The following TRIP11 variants were observed in gnomAD, a reference collection of about 807,000 sequenced individuals.
TRIP11 encodes thyroid hormone receptor interactor 11.
In TRIP11, 148 loss-of-function variants were observed where a neutral mutation model predicts 223.1. The observed-to-expected ratio is 0.66, with a 90% CI of 0.58 to 0.76. The LOEUF is 0.76. Among genes scored for constraint, TRIP11 ranks in the 30% least tolerant of loss-of-function variants. The probability of loss-of-function intolerance (pLI) is 0.00; values close to 1 mark genes in which losing one functional copy is unlikely to be tolerated. For synonymous variants in TRIP11, 762 were observed against 772.6 expected (o/e 0.99, Z 0.23); for missense variants, 2,043 against 2,222.0 (o/e 0.92, Z 1.62).
At chr14:92,038,819 T>C (rs1312421413) in intron 1 of TRIP11, among the ~76,000 whole-genome samples, 4 of 152,192 alleles carry the variant, frequency 2.6e-5, no homozygotes, top group African/African-American at 9.7e-5. Context: ...TAGTAATTAA[T>C]GGATAGTAAC....
intron 16 of TRIP11, among the ~76,000 whole-genome samples, chr14:91,983,376 GA>G: frequency 6.6e-6 from 1 of 152,256 alleles, no homozygotes; most frequent in East Asian, 1.9e-4. Context: ...TATCTGCAAA[GA>G]ACAGAACACT....
chr14:92,015,978 G>A, intron 5 of TRIP11, 117 bp from the exon 6 acceptor site: 2 of 1,041,370 alleles, frequency 1.9e-6, no homozygotes, highest in Non-Finnish European at 2.7e-6. Flanking sequence ...AACATGTTAA[G>A]GCTGAAAAGA....
In TRIP11 at chr14:92,032,465, C is replaced by T. The variant is rs181994922; in HGVS notation, c.201+727G>A. ...TGTGCCTGGCTGCTATTCCTATATT[C>T]TTAACTTTTTTGTATCCAAATATTA... On this transcript the variant is annotated intron_variant, in intron 2 of 20. Coordinates refer to ENST00000267622, the MANE Select transcript of TRIP11 (RefSeq NM_004239.4). 3.3e-3 allele frequency among the ~76,000 whole-genome samples: 497 copies of T among 150,566 alleles called. 5 individuals are homozygous for T. The highest frequency in any genetic ancestry group is 0.011 in the African/African-American group (465 of 41,124).
chr14:91,978,965 T>C lies in TRIP11; in HGVS notation c.5261-2776A>G, dbSNP rs2056501260. On this transcript the variant is annotated intron_variant, in intron 16 of 20. Transcript: ENST00000267622. The surrounding 1 kb of genome is among the most constrained non-coding windows in gnomAD (Gnocchi z 4.4). ...CACTACTCTATACTATCTCTTATTT[T>C]AAAAAGAGAGGCTGGGCGCAGTGGC... Among the ~76,000 whole-genome samples, 1 of 152,040 alleles carries C rather than the reference T, an allele frequency of 6.6e-6. No individual in the cohort carries two copies. The highest frequency in any genetic ancestry group is 2.1e-4 in the South Asian group (1 of 4,822).
In TRIP11 at chr14:91,966,449, C is replaced by CTT. The variant is rs1371083490; in HGVS notation, c.*3222_*3223dup. 5.2e-6 allele frequency: 1 copy of CTT among 191,752 alleles called. No homozygotes were observed. Among genetic ancestry groups the CTT allele is most frequent in the Admixed American group, 6.1e-5 (1 of 16,324 alleles). The allele number at this position is 191,752 out of a possible 1,614,324, so 11.9% of individuals were successfully genotyped here. On this transcript the variant is annotated 3_prime_UTR_variant, in exon 21 of 21. Transcript: ENST00000267622. ...TATCTTTAAATATCAGGTCCAAATG[C>CTT]TTTTAAGTTTGATGGATAATAGTGT...
intron 15 of TRIP11, among the ~76,000 whole-genome samples, chr14:91,989,021 T>C (rs1471612813): frequency 6.6e-6 from 1 of 152,258 alleles, no homozygotes; most frequent in Non-Finnish European, 1.5e-5. Flanking sequence ...TCTTTTGTCA[T>C]GTAAACATTT....
At chr14:91,973,766 C>A (rs1374121456) in intron 19 of TRIP11, among the ~76,000 whole-genome samples, 1 of 152,200 alleles carries the variant, frequency 6.6e-6, no homozygotes, top group African/African-American at 2.4e-5. Context: ...GTGGCTCACG[C>A]CTGTAACCCC....
At position 91,993,960 on chromosome 14, in the gene TRIP11, A is replaced by G. The variant is rs74073633; in HGVS notation, c.5057-48T>C. 1.2e-3 allele frequency: 1,767 copies of G among 1,427,836 alleles called. 23 individuals carry two copies. The African/African-American group carries it at 0.021, about 17-fold the overall frequency. The allele number at this position is 1,427,836 out of a possible 1,614,324, so 88.4% of individuals were successfully genotyped here. ...ATTAGTATTTTGCAATCGTGTGTTA[A>G]GTTAGAATGTTAAGCCATTTTAAAT... On this transcript the variant is annotated intron_variant, in intron 14 of 20. Coordinates refer to ENST00000267622, the MANE Select transcript of TRIP11 (RefSeq NM_004239.4).
At chr14:91,995,579 C>G (rs530242594) in intron 13 of TRIP11, 64 bp from the exon 14 acceptor site, 3 of 1,535,384 alleles carry the variant, frequency 2.0e-6, no homozygotes, top group East Asian at 4.5e-5. Context: ...CAAGAAGAAG[C>G]CACCTTCCCT....
At chr14:92,031,726 G>C (rs2057267532) in intron 2 of TRIP11, among the ~76,000 whole-genome samples, 1 of 152,184 alleles carries the variant, frequency 6.6e-6, no homozygotes, top group Non-Finnish European at 1.5e-5. Flanking sequence ...TGAATTCAAA[G>C]AACATTGCTT....
intron 7 of TRIP11, 140 bp from the exon 8 acceptor site, chr14:92,011,935 T>C: frequency 1.4e-6 from 1 of 709,468 alleles, no homozygotes; most frequent in Non-Finnish European, 2.4e-6. Flanking sequence ...GTGAAACATA[T>C]ATTTGTATTC....
Position 92,004,411 on chromosome 14 carries a change from T to C in TRIP11, c.3565A>G (p.Thr1189Ala), listed in dbSNP as rs149699915. Reference protein sequence around the residue: ...KCQTLLAVLQTSSTGNEAGGV... With the variant: ...KCQTLLAVLQASSTGNEAGGV... ...CCAGCCTCATTACCAGTGCTGGATG[T>C]TTGTAAAACTGCCAATAAAGTCTGA... The change falls in exon 11 of 21, where the codon ACA becomes GCA. Residue 1189 changes from threonine to alanine, a missense_variant. Physicochemically the swap from Thr to Ala is moderately conservative, Grantham distance 58 (BLOSUM62 0). Coordinates refer to ENST00000267622, the MANE Select transcript of TRIP11 (RefSeq NM_004239.4). 4 of 1,613,950 alleles carry C rather than the reference T, an allele frequency of 2.5e-6. No individual in the cohort carries two copies. The South Asian group carries it at 3.3e-5, about 13-fold the overall frequency.
intron 4 of TRIP11, among the ~76,000 whole-genome samples, chr14:92,018,281 G>C (rs917122478): frequency 6.6e-6 from 1 of 151,596 alleles, no homozygotes; most frequent in Non-Finnish European, 1.5e-5. Context: ...TGTAGAGATG[G>C]GATCTCACTA....
chr14:92,009,682 A>C lies in TRIP11; in HGVS notation c.1314+1304T>G, dbSNP rs189390700. Among the ~76,000 whole-genome samples, 15 of 152,270 alleles carry C rather than the reference A, an allele frequency of 9.9e-5. No homozygotes were observed. In the East Asian group the frequency reaches 1.7e-3, roughly 18 times the overall value. On this transcript the variant is annotated intron_variant, in intron 9 of 20. Coordinates refer to ENST00000267622, the MANE Select transcript of TRIP11 (RefSeq NM_004239.4). Reference sequence around the variant, plus strand: ...CCACAATACACAGTGTAGTGCCCACAACTAAGAATTTTCCTGCTTAAATGC... The same window carrying C: ...CCACAATACACAGTGTAGTGCCCACCACTAAGAATTTTCCTGCTTAAATGC...
intron 16 of TRIP11, among the ~76,000 whole-genome samples, chr14:91,981,010 A>ATTTTTTTTTTT (rs1444189118): frequency 1.8e-5 from 1 of 55,836 alleles, no homozygotes; most frequent in Non-Finnish European, 3.7e-5. Context: ...ATATATATAT[A>ATTTTTTTTTTT]TATTTTTTTT....
At chr14:92,012,993 G>A (rs1000475059) in intron 7 of TRIP11, among the ~76,000 whole-genome samples, 3 of 152,154 alleles carry the variant, frequency 2.0e-5, no homozygotes, top group African/African-American at 7.2e-5. Flanking sequence ...CTTCAGCTGG[G>A]GGCGGTGGCT....
intron 4 of TRIP11, among the ~76,000 whole-genome samples, chr14:92,018,440 G>C (rs79849162): frequency 0.013 from 1,998 of 151,774 alleles, 29 homozygotes; most frequent in African/African-American, 0.045. Flanking sequence ...AATAATCTTT[G>C]GTTTAATAAA....
At chr14:92,035,377 C>G (rs1303567212) in intron 1 of TRIP11, among the ~76,000 whole-genome samples, 1 of 151,436 alleles carries the variant, frequency 6.6e-6, no homozygotes, top group Non-Finnish European at 1.5e-5. Flanking sequence ...TTTCTAAGTA[C>G]TAGTATTTTT....
rs3835249 is a variant in TRIP11, at chr14:92,038,629, T to TAA, written c.139+916_139+917dup. Among the ~76,000 whole-genome samples the TAA allele has an allele frequency of 5.8e-4, 86 of 148,150 alleles. 1 individual carries two copies. Among genetic ancestry groups the TAA allele is most frequent in the East Asian group, 4.5e-3 (23 of 5,108 alleles). On this transcript the variant is annotated intron_variant, in intron 1 of 20. Coordinates refer to ENST00000267622, the MANE Select transcript of TRIP11 (RefSeq NM_004239.4). ...ATGAAGGATCTGTTAAATTAGCAAT[T>TAA]AAAAAAAAAAACTAAGCCAGAATAC...
Sources: allele counts gnomAD v4.1 joint callset (sites outside exome capture counted in the v4.1 genomes callset), GRCh38; gene constraint gnomAD v4.1.1; non-coding constraint Gnocchi (gnomAD v3.1); transcripts MANE v1.5; gene names NCBI Gene and HGNC (gene_info 2026-07-23, HGNC 2026-07-21).